FGF12: variants seen among roughly 807,000 people sequenced by gnomAD.
FGF12 encodes the protein fibroblast growth factor 12, also known as fibroblast growth factor 12B.
FGF12 carries 14 observed loss-of-function variants against 23.6 expected under a neutral mutation model. The ratio of observed to expected loss-of-function variants is 0.59; its 90% CI spans 0.39 to 0.93. The LOEUF (loss-of-function observed/expected upper bound fraction) is 0.93. Among genes scored for constraint, FGF12 ranks in the 40% least tolerant of loss-of-function variants. The pLI, the probability that FGF12 is intolerant of heterozygous loss-of-function variation, is 0.00. For synonymous variants in FGF12, 62 were observed against 77.3 expected, an observed-to-expected ratio of 0.80 and a Z score of 1.04; for missense variants, 175 against 217.8, an observed-to-expected ratio of 0.80 and a Z score of 1.24.
chr3:192,683,446 T>C (rs889377136), intron 2 of FGF12, among the ~76,000 whole-genome samples: 4 of 152,208 alleles, frequency 2.6e-5, no homozygotes, highest in Non-Finnish European at 5.9e-5. Context: ...ATCGGTGTTA[T>C]GTGATTATAA....
At position 192,437,932 on chromosome 3, in the gene FGF12, A is replaced by G. The variant is rs528704622; in HGVS notation, c.14-77394T>C. Among the ~76,000 whole-genome samples, 12 of 152,202 alleles carry G rather than the reference A, an allele frequency of 7.9e-5. No homozygotes were observed. The South Asian group carries it at 2.5e-3, about 32-fold the overall frequency. On this transcript the variant is annotated intron_variant, in intron 2 of 5. Coordinates refer to ENST00000445105, the MANE Select transcript of FGF12 (RefSeq NM_004113.6). ...TCCTTCCTTCTTTTGTCCCTGAATA[A>G]ACGTGTTCTCTGAATTCTGTTCTTC...
chr3:192,507,334 TACACAC>T (rs35433581), intron 2 of FGF12, among the ~76,000 whole-genome samples: 7,429 of 144,642 alleles, frequency 0.051, 213 homozygotes, highest in Middle Eastern at 0.1. Flanking sequence ...TTTGACCAAA[TACACAC>T]ACACACACAC....
At chr3:192,415,467 C>G (rs1479727818) in intron 2 of FGF12, among the ~76,000 whole-genome samples, 1 of 151,958 alleles carries the variant, frequency 6.6e-6, no homozygotes, top group Non-Finnish European at 1.5e-5. Context: ...GATTTTTGAG[C>G]CAAATAGATG....
rs139264532 is a variant in FGF12, at chr3:192,528,363, C to T, written c.14-167825G>A. Among the ~76,000 whole-genome samples the T allele has an allele frequency of 3.3e-3, 503 of 152,300 alleles. 4 individuals are homozygous for T. Among genetic ancestry groups the T allele is most frequent in the Admixed American group, 8.0e-3 (123 of 15,304 alleles). ...CTCCTTTGACTCCATGTCTCAGGTCCAGGTCACACTGATGCAAGAGGTGGG... is the reference window on the plus strand; with the variant it reads ...CTCCTTTGACTCCATGTCTCAGGTCTAGGTCACACTGATGCAAGAGGTGGG... On this transcript the variant is annotated intron_variant, in intron 2 of 5. Coordinates refer to ENST00000445105, the MANE Select transcript of FGF12 (RefSeq NM_004113.6).
At chr3:192,606,451 A>G (rs35877338) in intron 2 of FGF12, among the ~76,000 whole-genome samples, 1 of 152,164 alleles carries the variant, frequency 6.6e-6, no homozygotes, top group African/African-American at 2.4e-5. Flanking sequence ...GATGGGATCA[A>G]CTGTACACCA....
intron 4 of FGF12, among the ~76,000 whole-genome samples, chr3:192,292,590 G>A (rs1714815767): frequency 6.6e-6 from 1 of 152,044 alleles, no homozygotes; most frequent in Non-Finnish European, 1.5e-5. Context: ...GCATACAATT[G>A]CTTTAAGTCT....
intron 2 of FGF12, among the ~76,000 whole-genome samples, chr3:192,725,443 G>C (rs997644623): frequency 6.6e-5 from 10 of 152,078 alleles, no homozygotes; most frequent in Non-Finnish European, 1.3e-4. Flanking sequence ...CTTTTCGGAT[G>C]TATTTCTGAG....
chr3:192,464,325 C>G (rs1038756665), intron 2 of FGF12, among the ~76,000 whole-genome samples: 15 of 148,806 alleles, frequency 1.0e-4, no homozygotes, highest in Non-Finnish European at 8.9e-5. Flanking sequence ...AGTCCGCTGT[C>G]TCATTCTTAT....
intron 2 of FGF12, among the ~76,000 whole-genome samples, chr3:192,394,119 C>T (rs1203925513): frequency 2.0e-5 from 3 of 152,178 alleles, no homozygotes; most frequent in African/African-American, 7.2e-5. Flanking sequence ...TGGTTCCTTT[C>T]CTGTCTGTTT....
chr3:192,641,973 G>A (rs558702661), intron 2 of FGF12, among the ~76,000 whole-genome samples: 1 of 152,294 alleles, frequency 6.6e-6, no homozygotes, highest in East Asian at 1.9e-4. Flanking sequence ...CGTCTGTGAA[G>A]AGATGTTTAA....
rs1304992752 is a variant in FGF12 at position 192,360,323 on chromosome 3, G to T, written c.124+105C>A. The stretch of plus-strand genomic sequence containing the variant: ...TAGCTTACTAATAGTTAAATAGTTT[G>T]AAAGGCATAGTTTGGTAAGGCAGCT... On this transcript the variant is annotated intron_variant, in intron 3 of 5. Transcript: ENST00000445105. The surrounding 1 kb of genome is among the most constrained non-coding windows in gnomAD (Gnocchi z 4.3). 1.3e-6 allele frequency: 1 copy of T among 746,890 alleles called. No homozygotes were observed. The highest frequency in any genetic ancestry group is 2.3e-6 in the Non-Finnish European group (1 of 429,774). 46.3% of individuals were successfully genotyped at this position (746,890 alleles called of 1,614,324 possible).
At position 192,528,714 on chromosome 3, in the gene FGF12, G is replaced by A. The variant is rs1305698833; in HGVS notation, c.14-168176C>T. ...TTTCCTTACATCCTCTGAAATCTAG[G>A]TGGAGGTTCCCAAACCCCAAATCTT... On this transcript the variant is annotated intron_variant, in intron 2 of 5. Coordinates refer to ENST00000445105, the MANE Select transcript of FGF12 (RefSeq NM_004113.6). Among the ~76,000 whole-genome samples, 3 of 152,176 alleles carry A rather than the reference G, an allele frequency of 2.0e-5. No homozygotes were observed. The East Asian group carries it at 5.8e-4, about 29-fold the overall frequency.
intron 4 of FGF12, among the ~76,000 whole-genome samples, chr3:192,220,115 C>G (rs1338020652): frequency 1.3e-5 from 2 of 152,084 alleles, no homozygotes; most frequent in Non-Finnish European, 2.9e-5. Context: ...TTCTGGCTTC[C>G]CTGCCTCTAG....
intron 3 of FGF12, among the ~76,000 whole-genome samples, chr3:192,348,640 T>G (rs1577376646): frequency 6.6e-6 from 1 of 152,130 alleles, no homozygotes; most frequent in Non-Finnish European, 1.5e-5. Flanking sequence ...AGGTATGATT[T>G]AAGAGATTGT....
Position 192,415,788 on chromosome 3 carries a change from A to G in FGF12, c.14-55250T>C, listed in dbSNP as rs181246151. ...CACACACACACACACTCATGTTCAC[A>G]GAAGAAAAGGAATATAATAAGGCAA... On this transcript the variant is annotated intron_variant, in intron 2 of 5. Transcript: ENST00000445105. Among the ~76,000 whole-genome samples the G allele has an allele frequency of 5.3e-3, 796 of 149,916 alleles. 12 individuals are homozygous for G. Among genetic ancestry groups the G allele is most frequent in the Non-Finnish European group, 3.6e-3 (244 of 67,396 alleles).
intron 2 of FGF12, among the ~76,000 whole-genome samples, chr3:192,540,202 C>T (rs9855262): frequency 0.27 from 40,721 of 151,530 alleles, 5,740 homozygotes; most frequent in Middle Eastern, 0.44. Context: ...TTTATTCTTG[C>T]TTTTCTATTT....
At chr3:192,543,436 A>G (rs1725423222) in intron 2 of FGF12, among the ~76,000 whole-genome samples, 1 of 152,132 alleles carries the variant, frequency 6.6e-6, no homozygotes, top group Admixed American at 6.6e-5. Flanking sequence ...GGCTAGGTCC[A>G]GAAATGCCAT....
At chr3:192,257,389 A>G (rs766918159) in intron 4 of FGF12, among the ~76,000 whole-genome samples, 1 of 152,184 alleles carries the variant, frequency 6.6e-6, no homozygotes, top group Non-Finnish European at 1.5e-5. Flanking sequence ...TATCAACATC[A>G]GAGAGTGGCA....
chr3:192,494,250 T>G (rs1723883719), intron 2 of FGF12, among the ~76,000 whole-genome samples: 1 of 152,206 alleles, frequency 6.6e-6, no homozygotes, highest in African/African-American at 2.4e-5. Context: ...CATAGGTCAT[T>G]TATTTCTGCT....
Sources: gnomAD v4.1 joint callset for allele counts (sites outside exome capture counted in the v4.1 genomes callset) on GRCh38, gnomAD v4.1.1 for gene constraint, Gnocchi (gnomAD v3.1) non-coding constraint, MANE v1.5 for transcripts, NCBI Gene and HGNC (gene_info 2026-07-23, HGNC 2026-07-21) for gene names.